The following SNAP25 variants were observed in gnomAD, a reference collection of about 807,000 sequenced individuals.
SNAP25 encodes the protein synaptosomal-associated protein 25.
Under a neutral mutation model 28.7 loss-of-function variants are expected in SNAP25, and 3 were observed. The ratio of observed to expected loss-of-function variants is 0.10; its 90% CI spans 0.05 to 0.27. SNAP25 has a LOEUF of 0.27. Among genes scored for constraint, SNAP25 ranks in the 10% least tolerant of loss-of-function variants. SNAP25 has a pLI of 1.00. For synonymous variants in SNAP25, 61 were observed against 88.1 expected (o/e 0.69, Z 1.72); for missense variants, 117 against 278.7 (o/e 0.42, Z 4.13).
rs966901852 is a variant in SNAP25, at chr20:10,238,884, G to A, written c.-64+19907G>A. On this transcript the variant is annotated intron_variant, in intron 1 of 7. Coordinates refer to ENST00000254976, the MANE Select transcript of SNAP25 (RefSeq NM_130811.4). The stretch of plus-strand genomic sequence containing the variant: ...CATAGCACTGCACTCCAGCCTGGGC[G>A]ACAGAGCAAGACTCCGTTTCAAATA... Among the ~76,000 whole-genome samples the A allele has an allele frequency of 4.3e-5, 6 of 137,958 alleles. No individual in the cohort carries two copies. The South Asian group carries it at 6.4e-4, about 15-fold the overall frequency. 90.5% of individuals were successfully genotyped at this position (137,958 alleles called of 152,430 possible).
At chr20:10,249,288 C>A (rs182026956) in intron 1 of SNAP25, among the ~76,000 whole-genome samples, 1 of 152,080 alleles carries the variant, frequency 6.6e-6, no homozygotes, top group Non-Finnish European at 1.5e-5. Flanking sequence ...GAAGCCCCAT[C>A]GGTGATGGTT....
At chr20:10,267,284 A>T (rs111402011) in intron 1 of SNAP25, among the ~76,000 whole-genome samples, 1,890 of 152,294 alleles carry the variant, frequency 0.012, 40 homozygotes, top group African/African-American at 0.042. Flanking sequence ...CTATACCCAG[A>T]ACAAGAAAAA....
At chr20:10,230,761 A>G (rs930827754) in intron 1 of SNAP25, among the ~76,000 whole-genome samples, 4 of 152,194 alleles carry the variant, frequency 2.6e-5, no homozygotes, top group African/African-American at 9.6e-5. Flanking sequence ...GTGACTGGGT[A>G]CTTAGCAAGA....
At chr20:10,250,239 C>T (rs1180569413) in intron 1 of SNAP25, among the ~76,000 whole-genome samples, 1 of 152,158 alleles carries the variant, frequency 6.6e-6, no homozygotes, top group East Asian at 1.9e-4. Context: ...CAATCAAAGT[C>T]CACAAACTAT....
At position 10,304,451 on chromosome 20, in the gene SNAP25, AT is replaced by A. The variant is rs2064309606; in HGVS notation, c.553-1676del. Among the ~76,000 whole-genome samples the A allele has an allele frequency of 2.0e-5, 3 of 152,230 alleles. 1 individual carries two copies. Among genetic ancestry groups the A allele is most frequent in the Admixed American group, 2.0e-4 (3 of 15,282 alleles). ...GAAGCCTTAATGACATAAAAAGTCC[AT>A]TAACATCTATGTTTTATGTATTATT... is the stretch of plus-strand genomic sequence containing the variant. On this transcript the variant is annotated intron_variant, in intron 7 of 7. Coordinates refer to ENST00000254976, the MANE Select transcript of SNAP25 (RefSeq NM_130811.4).
intron 3 of SNAP25, among the ~76,000 whole-genome samples, chr20:10,283,970 T>C (rs1812409282): frequency 1.3e-5 from 2 of 152,244 alleles, no homozygotes; most frequent in South Asian, 4.1e-4. Flanking sequence ...ATTTGAACAG[T>C]AAGGAGATGA....
chr20:10,246,446 T>G lies in SNAP25; in HGVS notation c.-64+27469T>G, dbSNP rs115085686. 4.2e-3 allele frequency among the ~76,000 whole-genome samples: 647 copies of G among 152,238 alleles called. 1 individual carries two copies. Among genetic ancestry groups the G allele is most frequent in the African/African-American group, 0.014 (586 of 41,538 alleles). On this transcript the variant is annotated intron_variant, in intron 1 of 7. Coordinates refer to ENST00000254976, the MANE Select transcript of SNAP25 (RefSeq NM_130811.4). The stretch of plus-strand genomic sequence containing the variant: ...AATGATTGGCCGAGCCCAGGAAATT[T>G]TGACGTTTATCTAAAACGTCTTATG...
intron 7 of SNAP25, 112 bp from the exon 8 acceptor site, chr20:10,306,017 C>T: frequency 1.1e-6 from 1 of 875,022 alleles, no homozygotes; most frequent in African/African-American, 1.7e-5. Context: ...CCATGCTGAC[C>T]AAGGAGGTTT....
chr20:10,275,506 AGACATGCGCAAT>A lies in SNAP25; in HGVS notation c.18_29del (p.Asp6_Asn9del). The A allele has an allele frequency of 6.2e-7, 1 of 1,605,784 alleles. No homozygotes were observed. The highest frequency in any genetic ancestry group is 2.2e-5 in the East Asian group (1 of 44,686). On this transcript the variant is annotated inframe_deletion, in exon 2 of 8. Coordinates refer to ENST00000254976, the MANE Select transcript of SNAP25 (RefSeq NM_130811.4). ...CCACCGCTACCATGGCCGAAGACGC[AGACATGCGCAAT>A]GAGCTGGAGGAGATGCAGCGAAGGG...
At chr20:10,279,913 C>G (rs1259281120) in intron 3 of SNAP25, among the ~76,000 whole-genome samples, 2 of 152,194 alleles carry the variant, frequency 1.3e-5, no homozygotes. Context: ...GTCAAACATC[C>G]TGATGTCTAG....
At chr20:10,282,950 T>C (rs2063806795) in intron 3 of SNAP25, among the ~76,000 whole-genome samples, 1 of 152,216 alleles carries the variant, frequency 6.6e-6, no homozygotes, top group Non-Finnish European at 1.5e-5. Context: ...TGCTACTCAA[T>C]GTATGTCCCT....
chr20:10,242,061 G>A (rs1288211992), intron 1 of SNAP25, among the ~76,000 whole-genome samples: 1 of 152,166 alleles, frequency 6.6e-6, no homozygotes, highest in East Asian at 1.9e-4. Flanking sequence ...TGCGCACCAT[G>A]GGAGCTGCTG....
At chr20:10,247,296 T>A (rs1258388030) in intron 1 of SNAP25, among the ~76,000 whole-genome samples, 1 of 152,144 alleles carries the variant, frequency 6.6e-6, no homozygotes, top group Non-Finnish European at 1.5e-5. Context: ...CTTGTTCTGA[T>A]CAGTGATGAC....
chr20:10,225,026 A>T (rs764074948), intron 1 of SNAP25, among the ~76,000 whole-genome samples: 3 of 152,056 alleles, frequency 2.0e-5, no homozygotes, highest in Non-Finnish European at 4.4e-5. Flanking sequence ...GTGTGACCTG[A>T]ATCTCATGAT....
chr20:10,251,351 T>G (rs1055648828), intron 1 of SNAP25, among the ~76,000 whole-genome samples: 1 of 152,160 alleles, frequency 6.6e-6, no homozygotes, highest in Non-Finnish European at 1.5e-5. Context: ...GAAGGATACC[T>G]GAGAACCACA....
chr20:10,305,327 A>C (rs1017989730), intron 7 of SNAP25, among the ~76,000 whole-genome samples: 2 of 152,176 alleles, frequency 1.3e-5, no homozygotes, highest in Non-Finnish European at 2.9e-5. Flanking sequence ...GGACTGCTTG[A>C]GCCCAGGAGT....
chr20:10,299,696 C>T lies in SNAP25; in HGVS notation c.552+284C>T, dbSNP rs1325378937. On this transcript the variant is annotated intron_variant, in intron 7 of 7. Coordinates refer to ENST00000254976, the MANE Select transcript of SNAP25 (RefSeq NM_130811.4). ...CCATGTACACATGAGAAAGACACCACCCCTACTGCCAAGAAATTCACGGCC... is the reference window on the plus strand; with the variant it reads ...CCATGTACACATGAGAAAGACACCATCCCTACTGCCAAGAAATTCACGGCC... Among the ~76,000 whole-genome samples the T allele has an allele frequency of 2.0e-5, 3 of 152,188 alleles. No individual in the cohort carries two copies. In the East Asian group the frequency reaches 5.8e-4, roughly 29 times the overall value.
intron 7 of SNAP25, among the ~76,000 whole-genome samples, chr20:10,300,374 T>C (rs982869856): frequency 6.6e-6 from 1 of 152,152 alleles, no homozygotes; most frequent in Non-Finnish European, 1.5e-5. Context: ...AACTCTTATG[T>C]CCAAATGCTA....
intron 3 of SNAP25, among the ~76,000 whole-genome samples, chr20:10,278,490 G>A (rs2063727848): frequency 2.6e-5 from 4 of 152,170 alleles, no homozygotes; most frequent in Admixed American, 2.6e-4. Context: ...TGCCCAATGG[G>A]AGAGATGAAG....
Sources: gnomAD v4.1 joint callset for allele counts (sites outside exome capture counted in the v4.1 genomes callset) on GRCh38, gnomAD v4.1.1 for gene constraint, MANE v1.5 for transcripts, NCBI Gene and HGNC (gene_info 2026-07-23, HGNC 2026-07-21) for gene names.